CASQ2: variants seen among roughly 807,000 people sequenced by gnomAD.
CASQ2 encodes calsequestrin 2.
CASQ2 carries 49 observed loss-of-function variants against 46.5 expected under a neutral mutation model. That is an observed-to-expected ratio of 1.05 (90% CI 0.84 to 1.34). The LOEUF is 1.34. Among genes scored for constraint, CASQ2 ranks in the 40% most tolerant of loss-of-function variants. CASQ2 has a pLI of 0.00. For missense variants in CASQ2, 486 were observed against 481.3 expected, an observed-to-expected ratio of 1.01 and a Z score of -0.09; for synonymous variants, 174 against 168.5, an observed-to-expected ratio of 1.03 and a Z score of -0.25.
intron 4 of CASQ2, among the ~76,000 whole-genome samples, chr1:115,736,658 GGC>G (rs1647974595): frequency 6.6e-6 from 1 of 152,028 alleles, no homozygotes; most frequent in Non-Finnish European, 1.5e-5. Flanking sequence ...ATATTCTTGA[GGC>G]AAGCATAAGA....
intron 1 of CASQ2, among the ~76,000 whole-genome samples, chr1:115,761,497 G>GAGAAGAAGAAGAAGAAGAAGAAGA (rs1342542608): frequency 5.3e-5 from 1 of 18,946 alleles, no homozygotes; most frequent in Admixed American, 4.9e-4. Flanking sequence ...GGAGAAGAAG[G>GAGAAGAAGAAGAAGAAGAAGAAGA]AGAAGAAGAA....
intron 3 of CASQ2, among the ~76,000 whole-genome samples, chr1:115,739,062 T>A (rs12727307): frequency 0.46 from 37,544 of 82,190 alleles, 5,749 homozygotes; most frequent in East Asian, 0.61. Flanking sequence ...TTTTCTTTTT[T>A]TAAAAAAAAA....
At chr1:115,706,136 CTG>C (rs373465729) in intron 8 of CASQ2, among the ~76,000 whole-genome samples, 1 of 151,634 alleles carries the variant, frequency 6.6e-6, no homozygotes, top group African/African-American at 2.4e-5. Context: ...TAAACTGTGC[CTG>C]TGTGTGTGTG....
At chr1:115,720,148 G>A (rs1164809700) in intron 7 of CASQ2, among the ~76,000 whole-genome samples, 1 of 152,116 alleles carries the variant, frequency 6.6e-6, no homozygotes, top group African/African-American at 2.4e-5. Context: ...CCACTGTCTT[G>A]GTTTATTCGG....
intron 7 of CASQ2, among the ~76,000 whole-genome samples, chr1:115,720,305 C>A (rs1184863476): frequency 6.6e-6 from 1 of 152,214 alleles, no homozygotes; most frequent in Non-Finnish European, 1.5e-5. Context: ...TGCCTTCCTG[C>A]TGTGTCCTCA....
Position 115,725,517 on chromosome 1 carries a change from A to G in CASQ2, c.774T>C (p.Phe258=), listed in dbSNP as rs181769947. The G allele has an allele frequency of 9.6e-5, 155 of 1,607,516 alleles. No homozygotes were observed. The East Asian group carries it at 1.8e-3, about 19-fold the overall frequency. ...TLRRLRPEEM[F]ETWEDDLNGI... ...TTTGCCTCTTTCTTACCCATGTTTC[A>G]AACATTTCTTCTGGGCGCAGGCGAC... The change falls in exon 7 of 11, where the codon TTT becomes TTC. Residue 258 remains phenylalanine (F), a synonymous_variant. Coordinates refer to ENST00000261448, the MANE Select transcript of CASQ2 (RefSeq NM_001232.4).
chr1:115,709,020 T>C (rs1654449137), intron 8 of CASQ2, among the ~76,000 whole-genome samples: 1 of 152,202 alleles, frequency 6.6e-6, no homozygotes, highest in Non-Finnish European at 1.5e-5. Context: ...GGCATTAGCT[T>C]GTGTGGATAT....
chr1:115,746,884 T>A (rs1473806789), intron 1 of CASQ2, among the ~76,000 whole-genome samples: 1 of 152,224 alleles, frequency 6.6e-6, no homozygotes, highest in Non-Finnish European at 1.5e-5. Context: ...GTAATTAGCA[T>A]ACCTGTCATT....
intron 7 of CASQ2, among the ~76,000 whole-genome samples, chr1:115,719,774 TC>T (rs1303944006): frequency 6.6e-6 from 1 of 152,172 alleles, no homozygotes; most frequent in Non-Finnish European, 1.5e-5. Context: ...TGTGCTGACT[TC>T]AGGGCTGAGA....
rs1231549562 is a variant in CASQ2, at chr1:115,740,804, T to C, written c.344A>G (p.Tyr115Cys). The C allele has an allele frequency of 6.2e-7, 1 of 1,612,918 alleles. No individual in the cohort carries two copies. Among genetic ancestry groups the C allele is most frequent in the African/African-American group, 1.3e-5 (1 of 74,880 alleles). ...KLGFDEEGSL[Y>C]ILKGDRTIEF... ...TATTGTGCGATCACCCTTAAGAATA[T>C]ACAGGCTTCCTTCTTCATCAAAACC... The change falls in exon 3 of 11, where the codon TAT (tyrosine) becomes TGT (cysteine). Residue 115 changes from tyrosine to cysteine, a missense_variant. Coordinates refer to ENST00000261448, the MANE Select transcript of CASQ2 (RefSeq NM_001232.4).
intron 1 of CASQ2, 114 bp downstream of exon 1, chr1:115,768,194 A>C: frequency 1.3e-6 from 1 of 774,496 alleles, no homozygotes; most frequent in African/African-American, 1.7e-5. Flanking sequence ...AAAATAAAGC[A>C]GAGTTCAGTA....
intron 1 of CASQ2, among the ~76,000 whole-genome samples, chr1:115,758,220 G>T (rs1648826064): frequency 6.6e-6 from 1 of 152,186 alleles, no homozygotes. Flanking sequence ...AGCTTTGTGA[G>T]TTTAGGCAAT....
In CASQ2 at chr1:115,716,321, C is replaced by G. The variant is rs148770285; in HGVS notation, c.838+1519G>C. On this transcript the variant is annotated intron_variant, in intron 8 of 10. Transcript: ENST00000261448. ...TGTCCAAGTTCCAAAAACAAAGTTA[C>G]CCATCCATTTACAGGGTCATCTTGC... is the stretch of plus-strand genomic sequence containing the variant. Among the ~76,000 whole-genome samples, 49 of 152,280 alleles carry G rather than the reference C, an allele frequency of 3.2e-4. 1 individual carries two copies. The highest frequency in any genetic ancestry group is 1.2e-3 in the African/African-American group (49 of 41,546).
chr1:115,743,009 C>T (rs569083218), intron 2 of CASQ2, among the ~76,000 whole-genome samples: 15 of 151,940 alleles, frequency 9.9e-5, no homozygotes, highest in African/African-American at 3.4e-4. Flanking sequence ...AGGATGGTCT[C>T]GATCTCCTGA....
chr1:115,740,878 A>G (rs1167698064), intron 2 of CASQ2, 50 bp from the exon 3 acceptor site: 2 of 1,294,882 alleles, frequency 1.5e-6, no homozygotes, highest in African/African-American at 2.9e-5. Context: ...ACGTAGGAAG[A>G]GTGATTGTAT....
At chr1:115,748,102 T>C (rs1648449856) in intron 1 of CASQ2, among the ~76,000 whole-genome samples, 1 of 152,218 alleles carries the variant, frequency 6.6e-6, no homozygotes, top group Non-Finnish European at 1.5e-5. Context: ...TTTTCAGTTC[T>C]ATTGTTTGGT....
intron 4 of CASQ2, among the ~76,000 whole-genome samples, chr1:115,735,420 A>G (rs889250676): frequency 6.6e-6 from 1 of 152,218 alleles, no homozygotes; most frequent in Non-Finnish European, 1.5e-5. Context: ...TTGAGGGATC[A>G]TTATTGGCTT....
At position 115,738,399 on chromosome 1, in the gene CASQ2, C is replaced by T. The variant is rs751841438; in HGVS notation, c.421-64G>A. 5.3e-4 allele frequency: 562 copies of T among 1,054,634 alleles called. 3 individuals are homozygous for T. The highest frequency in any genetic ancestry group is 3.2e-3 in the Middle Eastern group (16 of 5,070). 65.3% of individuals were successfully genotyped at this position (1,054,634 alleles called of 1,614,324 possible). A position where few individuals can be genotyped will look rare whatever the true frequency, so the allele number is the denominator to read the frequency against. On this transcript the variant is annotated intron_variant, in intron 3 of 10. Transcript: ENST00000261448. ...GAGATTTCCTTCTTCACTGGGGAAA[C>T]AGAGTGCATTGGAGGGAAGTTGTAG...
At chr1:115,717,712 C>G in intron 8 of CASQ2, 128 bp downstream of exon 8, 1 of 789,740 alleles carries the variant, frequency 1.3e-6, no homozygotes, top group Non-Finnish European at 2.3e-6. Context: ...GGGCGACCAC[C>G]AGGGGGTGCC....
Sources: gnomAD v4.1 joint callset for allele counts (sites outside exome capture counted in the v4.1 genomes callset) on GRCh38, gnomAD v4.1.1 for gene constraint, MANE v1.5 for transcripts, NCBI Gene and HGNC (gene_info 2026-07-23, HGNC 2026-07-21) for gene names.